Variants in PCDHGA3 observed in about 807,000 individuals in gnomAD.
PCDHGA3 encodes protocadherin gamma-A3.
PCDHGA3 carries 40 observed loss-of-function variants against 58.5 expected under a neutral mutation model. The ratio of observed to expected loss-of-function variants is 0.68; its 90% CI spans 0.53 to 0.89. The LOEUF is 0.89. Among genes scored for constraint, PCDHGA3 ranks in the 40% least tolerant of loss-of-function variants. The pLI, the probability that PCDHGA3 is intolerant of heterozygous loss-of-function variation, is 0.00. For synonymous variants in PCDHGA3, 530 were observed against 525.7 expected, an observed-to-expected ratio of 1.01 and a Z score of -0.11; for missense variants, 1,223 against 1,195.9, an observed-to-expected ratio of 1.02 and a Z score of -0.33.
At position 141,356,482 on chromosome 5, in the gene PCDHGA3, G is replaced by A. The variant is rs754929117; in HGVS notation, c.2424+10025G>A. On this transcript the variant is annotated intron_variant, in intron 1 of 3. Coordinates refer to ENST00000253812, the MANE Select transcript of PCDHGA3 (RefSeq NM_018916.4). ...CATCACTGTAACTGCCACTGACCAGGGAACTCCTCCACTGTCTACAGAAAC... is the reference window on the plus strand; with the variant it reads ...CATCACTGTAACTGCCACTGACCAGAGAACTCCTCCACTGTCTACAGAAAC... 6.8e-6 allele frequency: 11 copies of A among 1,613,940 alleles called. No individual in the cohort carries two copies. In the South Asian group the frequency reaches 9.9e-5, roughly 14 times the overall value.
chr5:141,366,411 T>C lies in PCDHGA3; in HGVS notation c.2424+19954T>C, dbSNP rs759374656. ...GATCTGGACCTCACACTCTATCTTG[T>C]GGTGGCAGTGGCTGCAGTCTCCTGC... On this transcript the variant is annotated intron_variant, in intron 1 of 3. Coordinates refer to ENST00000253812, the MANE Select transcript of PCDHGA3 (RefSeq NM_018916.4). The C allele has an allele frequency of 6.2e-7, 1 of 1,614,194 alleles. No individual in the cohort carries two copies.
At chr5:141,406,515 T>C (rs2094818414) in intron 1 of PCDHGA3, among the ~76,000 whole-genome samples, 1 of 152,234 alleles carries the variant, frequency 6.6e-6, no homozygotes, top group Non-Finnish European at 1.5e-5. Context: ...TGTTTGTGTT[T>C]ACAGATATTT....
intron 1 of PCDHGA3, chr5:141,382,969 TG>T (rs1561593500): frequency 9.9e-6 from 16 of 1,609,418 alleles, no homozygotes; most frequent in Non-Finnish European, 1.4e-5. Flanking sequence ...GGGGACCCCC[TG>T]GGAAGCCTGG....
At position 141,493,841 on chromosome 5, in the gene PCDHGA3, T is replaced by C. The variant is rs774682943; in HGVS notation, c.2425-966T>C. On this transcript the variant is annotated intron_variant, in intron 1 of 3. Transcript: ENST00000253812. The surrounding 1 kb of genome is among the most constrained non-coding windows in gnomAD (Gnocchi z 4.3). ...CTCTGCTTCTGGGAGCAAGTATGAGTATTAATTACCAGCCCACCCCAGAAC... is the reference window on the plus strand; with the variant it reads ...CTCTGCTTCTGGGAGCAAGTATGAGCATTAATTACCAGCCCACCCCAGAAC... Among the ~76,000 whole-genome samples the C allele has an allele frequency of 3.3e-5, 5 of 152,140 alleles. No homozygotes were observed. In the East Asian group the frequency reaches 9.7e-4, roughly 29 times the overall value.
chr5:141,393,381 A>G, intron 1 of PCDHGA3: 3 of 1,614,022 alleles, frequency 1.9e-6, no homozygotes, highest in South Asian at 1.1e-5. Flanking sequence ...CAATGGAGCC[A>G]TAAACCCAGA....
rs184608067 is a variant in PCDHGA3 at position 141,349,550 on chromosome 5, A to T, written c.2424+3093A>T. On this transcript the variant is annotated intron_variant, in intron 1 of 3. Transcript: ENST00000253812. ...TTATCTATATTTTATAAAGAAGAGA[A>T]ATAACATAATAGTAAGGCTGTGATT... is the stretch of plus-strand genomic sequence containing the variant. 9.3e-3 allele frequency among the ~76,000 whole-genome samples: 1,418 copies of T among 152,282 alleles called. 26 individuals are homozygous for T. The highest frequency in any genetic ancestry group is 0.032 in the African/African-American group (1,331 of 41,554).
At chr5:141,414,781 G>A (rs755811755) in intron 1 of PCDHGA3, 1 of 1,614,230 alleles carries the variant, frequency 6.2e-7, no homozygotes, top group Admixed American at 1.7e-5. Context: ...ACAGATGCAG[G>A]TGACAGCCAG....
At chr5:141,460,536 G>T (rs911670681) in intron 1 of PCDHGA3, among the ~76,000 whole-genome samples, 1 of 152,092 alleles carries the variant, frequency 6.6e-6, no homozygotes, top group African/African-American at 2.4e-5. Context: ...AATAATCTTA[G>T]CACCTTAATC....
chr5:141,435,642 T>C lies in PCDHGA3; in HGVS notation c.2425-59165T>C, dbSNP rs1326178929. On this transcript the variant is annotated intron_variant, in intron 1 of 3. Coordinates refer to ENST00000253812, the MANE Select transcript of PCDHGA3 (RefSeq NM_018916.4). ...CATAACTTTTACAACTATGGGAAAA[T>C]TTCTGAAACGTGCACAGATTCCAAG... Among the ~76,000 whole-genome samples the C allele has an allele frequency of 2.0e-5, 3 of 152,156 alleles. No individual in the cohort carries two copies. The East Asian group carries it at 5.8e-4, about 29-fold the overall frequency.
chr5:141,419,571 G>C, intron 1 of PCDHGA3: 1 of 1,611,704 alleles, frequency 6.2e-7, no homozygotes. Context: ...GGTCCCGACG[G>C]CTCCGCGCTC....
At chr5:141,457,514 CAATT>C (rs1258794594) in intron 1 of PCDHGA3, among the ~76,000 whole-genome samples, 2 of 152,260 alleles carry the variant, frequency 1.3e-5, no homozygotes, top group African/African-American at 4.8e-5. Context: ...AGCTTAAAAA[CAATT>C]AATGAGACTA....
At position 141,511,246 on chromosome 5, in the gene PCDHGA3, G is replaced by A; in HGVS notation, c.*73G>A. 2 of 1,578,734 alleles carry A rather than the reference G, an allele frequency of 1.3e-6. No homozygotes were observed. Among genetic ancestry groups the A allele is most frequent in the Non-Finnish European group, 1.7e-6 (2 of 1,162,472 alleles). On this transcript the variant is annotated 3_prime_UTR_variant, in exon 4 of 4. Coordinates refer to ENST00000253812, the MANE Select transcript of PCDHGA3 (RefSeq NM_018916.4). The stretch of plus-strand genomic sequence containing the variant: ...CCAGCTTCTCCTTACCTGCACCCAG[G>A]CCTCAGAGTTTCAGGGCTAACCCCC...
intron 1 of PCDHGA3, chr5:141,428,087 G>A (rs2097108117): frequency 6.2e-7 from 1 of 1,609,106 alleles, no homozygotes; most frequent in Non-Finnish European, 8.5e-7. Context: ...ACAACGCTTG[G>A]CTGTCCTACC....
At chr5:141,464,009 T>C (rs1187492781) in intron 1 of PCDHGA3, among the ~76,000 whole-genome samples, 1 of 151,950 alleles carries the variant, frequency 6.6e-6, no homozygotes. Context: ...CTCATGCTTG[T>C]AATCCCACAC....
At chr5:141,419,556 C>A (rs202164819) in intron 1 of PCDHGA3, 227 of 1,611,892 alleles carry the variant, frequency 1.4e-4, no homozygotes, top group Non-Finnish European at 8.6e-5. Context: ...CTGTACCCTG[C>A]GCTGGGTCCC....
At chr5:141,507,132 C>T (rs748716107) in intron 3 of PCDHGA3, 2 of 152,188 alleles carry the variant, frequency 1.3e-5, no homozygotes, top group African/African-American at 2.4e-5. Flanking sequence ...GATCCAGCCT[C>T]GGCTTCTCTA....
At chr5:141,380,617 C>T (rs1024348906) in intron 1 of PCDHGA3, among the ~76,000 whole-genome samples, 3 of 152,156 alleles carry the variant, frequency 2.0e-5, no homozygotes, top group Admixed American at 6.5e-5. Context: ...TTATGATGTT[C>T]GATAACTTAG....
rs763104309 is a variant in PCDHGA3, at chr5:141,432,042, G to A, written c.2425-62765G>A. 5 of 1,614,090 alleles carry A rather than the reference G, an allele frequency of 3.1e-6. No homozygotes were observed. The African/African-American group carries it at 6.7e-5, about 22-fold the overall frequency. ...ATCACAGTGACCGCCACTGACCGGG[G>A]AACCCCGCCCCTATCCACGGAAACT... On this transcript the variant is annotated intron_variant, in intron 1 of 3. Transcript: ENST00000253812. The surrounding 1 kb of genome is among the most constrained non-coding windows in gnomAD (Gnocchi z 6.0).
At chr5:141,402,433 A>C (rs1331958085) in intron 1 of PCDHGA3, among the ~76,000 whole-genome samples, 1 of 152,146 alleles carries the variant, frequency 6.6e-6, no homozygotes, top group Non-Finnish European at 1.5e-5. Context: ...GAAGCATCAT[A>C]AAAAGGAAAT....
Sources: gnomAD v4.1 joint callset for allele counts (sites outside exome capture counted in the v4.1 genomes callset) on GRCh38, gnomAD v4.1.1 for gene constraint, Gnocchi (gnomAD v3.1) non-coding constraint, MANE v1.5 for transcripts, NCBI Gene and HGNC (gene_info 2026-07-23, HGNC 2026-07-21) for gene names.